JMY: variants seen among roughly 807,000 people sequenced by gnomAD.
The protein encoded by JMY is junction mediating and regulatory protein, p53 cofactor.
A neutral mutation model predicts 103.3 loss-of-function variants in JMY; 46 were observed. The ratio of observed to expected loss-of-function variants is 0.45; its 90% CI spans 0.35 to 0.57. The LOEUF (loss-of-function observed/expected upper bound fraction) is 0.57. Ranked by LOEUF, JMY falls within the 20% of genes least tolerant of loss-of-function variation. The pLI, the probability that JMY is intolerant of heterozygous loss-of-function variation, is 0.00. For missense variants in JMY, 1,238 were observed against 1,255.2 expected, an observed-to-expected ratio of 0.99 and a Z score of 0.21; for synonymous variants, 526 against 489.3, an observed-to-expected ratio of 1.07 and a Z score of -0.99.
At chr5:79,303,735 G>A (rs1259500429) in intron 6 of JMY, among the ~76,000 whole-genome samples, 2 of 152,202 alleles carry the variant, frequency 1.3e-5, no homozygotes, top group Non-Finnish European at 2.9e-5. Context: ...AGGATGGTCA[G>A]TAGGCTCAGG....
At chr5:79,292,412 G>A (rs1280735795) in intron 4 of JMY, among the ~76,000 whole-genome samples, 3 of 151,954 alleles carry the variant, frequency 2.0e-5, no homozygotes, top group Non-Finnish European at 4.4e-5. Flanking sequence ...GACCTCTTGG[G>A]GCTCAAGCAG....
chr5:79,289,951 A>G (rs182419408), intron 2 of JMY, among the ~76,000 whole-genome samples, 170 bp from the exon 3 acceptor site: 3 of 152,316 alleles, frequency 2.0e-5, no homozygotes, highest in Admixed American at 2.0e-4. Context: ...ATAGGTTTCT[A>G]TGTCAAATAT....
chr5:79,312,379 G>C (rs1170484352), intron 7 of JMY, 24 bp from the exon 8 acceptor site: 1 of 1,364,650 alleles, frequency 7.3e-7, no homozygotes, highest in South Asian at 1.3e-5. Context: ...CAGCATAATG[G>C]AATTATTATT....
At chr5:79,244,038 T>C (rs1461813155) in intron 1 of JMY, among the ~76,000 whole-genome samples, 1 of 151,540 alleles carries the variant, frequency 6.6e-6, no homozygotes, top group African/African-American at 2.4e-5. Context: ...GCTTGCTCTG[T>C]CACCCAGGCT....
chr5:79,307,772 T>C (rs1303544987), intron 7 of JMY, among the ~76,000 whole-genome samples: 2 of 152,182 alleles, frequency 1.3e-5, no homozygotes, highest in African/African-American at 4.8e-5. Flanking sequence ...GGAGTCTTAT[T>C]CTGTCACCAA....
chr5:79,287,817 A>G (rs1039403861), intron 2 of JMY, among the ~76,000 whole-genome samples: 26 of 152,262 alleles, frequency 1.7e-4, no homozygotes, highest in African/African-American at 6.3e-4. Context: ...CAAAAAAGGT[A>G]TAACTTCACT....
chr5:79,275,807 A>G (rs1467904415), intron 1 of JMY, among the ~76,000 whole-genome samples: 2 of 152,210 alleles, frequency 1.3e-5, no homozygotes, highest in African/African-American at 4.8e-5. Context: ...TTTTGTTATA[A>G]AAGCACTTTA....
chr5:79,272,744 G>A (rs761392088), intron 1 of JMY, among the ~76,000 whole-genome samples: 5 of 152,012 alleles, frequency 3.3e-5, no homozygotes, highest in East Asian at 3.9e-4. Flanking sequence ...AGTGATTCTC[G>A]TGCCTCAGCT....
At chr5:79,278,236 G>GGTTGTT (rs1420665457) in intron 2 of JMY, among the ~76,000 whole-genome samples, 153 bp downstream of exon 2, 1 of 151,700 alleles carries the variant, frequency 6.6e-6, no homozygotes, top group Non-Finnish European at 1.5e-5. Flanking sequence ...GGTAGAATAG[G>GGTTGTT]GTTGTAGCCT....
At chr5:79,317,684 A>C (rs887045336) in intron 10 of JMY, among the ~76,000 whole-genome samples, 1 of 152,092 alleles carries the variant, frequency 6.6e-6, no homozygotes, top group African/African-American at 2.4e-5. Context: ...TAGCCCTGTG[A>C]ATTATTTTTG....
At chr5:79,261,504 C>T (rs116142538) in intron 1 of JMY, among the ~76,000 whole-genome samples, 35 of 152,168 alleles carry the variant, frequency 2.3e-4, no homozygotes, top group African/African-American at 8.2e-4. Context: ...TTATAATGAG[C>T]CATGATGGAG....
At chr5:79,307,026 T>C (rs901405053) in intron 7 of JMY, among the ~76,000 whole-genome samples, 5 of 152,216 alleles carry the variant, frequency 3.3e-5, no homozygotes, top group Non-Finnish European at 7.3e-5. Context: ...ACCTATTCAG[T>C]TGGCCTCTTT....
chr5:79,314,105 C>T (rs879316592), intron 8 of JMY, 152 bp from the exon 9 acceptor site: 51 of 1,251,842 alleles, frequency 4.1e-5, no homozygotes, highest in East Asian at 2.3e-4. Flanking sequence ...GTGATCCACC[C>T]GCCTCGGCCT....
At chr5:79,309,318 C>T (rs553854796) in intron 7 of JMY, among the ~76,000 whole-genome samples, 1 of 152,010 alleles carries the variant, frequency 6.6e-6, no homozygotes, top group Non-Finnish European at 1.5e-5. Context: ...AGGAAGTTCC[C>T]CCTCTATTCC....
rs1747503121 is a variant in JMY at position 79,322,841 on chromosome 5, T to C, written c.*1239T>C. On this transcript the variant is annotated 3_prime_UTR_variant, in exon 11 of 11. Coordinates refer to ENST00000396137, the MANE Select transcript of JMY (RefSeq NM_152405.5). ...TTCTGCATAAGACAGATCTTGGCCTTTCTGTGGAGGGAGTTAAGAACTAAA... is the reference window on the plus strand; with the variant it reads ...TTCTGCATAAGACAGATCTTGGCCTCTCTGTGGAGGGAGTTAAGAACTAAA... 6.6e-6 allele frequency: 1 copy of C among 152,222 alleles called. No individual in the cohort carries two copies. Among genetic ancestry groups the C allele is most frequent in the African/African-American group, 2.4e-5 (1 of 41,464 alleles). 9.4% of individuals were successfully genotyped at this position (152,222 alleles called of 1,614,324 possible). A position where few individuals can be genotyped will look rare whatever the true frequency, so the allele number is the denominator to read the frequency against.
intron 2 of JMY, 55 bp from the exon 3 acceptor site, chr5:79,290,066 G>T (rs1746377228): frequency 3.1e-6 from 4 of 1,298,630 alleles, no homozygotes; most frequent in Non-Finnish European, 4.2e-6. Context: ...AAATGTTTGA[G>T]GAATGAGTAG....
At chr5:79,300,560 T>TA in intron 5 of JMY, 116 bp from the exon 6 acceptor site, 2 of 821,156 alleles carry the variant, frequency 2.4e-6, no homozygotes, top group Non-Finnish European at 3.7e-6. Flanking sequence ...CAAAGAAGCT[T>TA]AAGAGATAAT....
intron 2 of JMY, among the ~76,000 whole-genome samples, chr5:79,289,899 G>A (rs867228743): frequency 2.0e-5 from 3 of 152,060 alleles, no homozygotes; most frequent in Non-Finnish European, 4.4e-5. Flanking sequence ...CTTTGCCTAC[G>A]TATGGAGTGA....
chr5:79,268,230 G>C (rs1000473801), intron 1 of JMY, among the ~76,000 whole-genome samples: 8 of 152,172 alleles, frequency 5.3e-5, no homozygotes, highest in Non-Finnish European at 1.2e-4. Flanking sequence ...GCAAGAGTGA[G>C]ATCCTGCCTG....
Sources: gnomAD v4.1 joint callset for allele counts (sites outside exome capture counted in the v4.1 genomes callset) on GRCh38, gnomAD v4.1.1 for gene constraint, MANE v1.5 for transcripts, NCBI Gene and HGNC (gene_info 2026-07-23, HGNC 2026-07-21) for gene names.